ZFPM1: variants seen among roughly 807,000 people sequenced by gnomAD.
ZFPM1 encodes the protein zinc finger protein ZFPM1.
ZFPM1 carries 28 observed loss-of-function variants against 46.3 expected under a neutral mutation model. The observed-to-expected ratio is 0.60, with a 90% CI of 0.45 to 0.83. ZFPM1 has a LOEUF of 0.83. Among genes scored for constraint, ZFPM1 ranks in the 40% least tolerant of loss-of-function variants. ZFPM1 has a pLI of 0.00. For missense variants in ZFPM1, 1,878 were observed against 1,432.4 expected, an observed-to-expected ratio of 1.31 and a Z score of -5.02; for synonymous variants, 957 against 675.9, an observed-to-expected ratio of 1.42 and a Z score of -6.45.
intron 1 of ZFPM1, among the ~76,000 whole-genome samples, chr16:88,456,576 G>A (rs563941924): frequency 1.2e-3 from 176 of 152,304 alleles, no homozygotes; most frequent in Non-Finnish European, 1.8e-3. Context: ...AAGGGGAGCA[G>A]GGGGCACGTC....
At chr16:88,518,506 G>C (rs1911512854) in intron 4 of ZFPM1, among the ~76,000 whole-genome samples, 1 of 151,862 alleles carries the variant, frequency 6.6e-6, no homozygotes, top group Admixed American at 6.6e-5. Flanking sequence ...TAGGTAGATG[G>C]ATTGACAGCT....
chr16:88,461,278 G>A (rs1567526004), intron 1 of ZFPM1, among the ~76,000 whole-genome samples: 3 of 150,472 alleles, frequency 2.0e-5, no homozygotes, highest in South Asian at 2.1e-4. Context: ...CGGGTGCGAG[G>A]CCTGGTGAGG....
intron 9 of ZFPM1, 34 bp downstream of exon 9, chr16:88,532,969 T>G (rs559750127): frequency 1.2e-6 from 2 of 1,611,308 alleles, no homozygotes; most frequent in South Asian, 2.2e-5. Context: ...CCCTGCCCCT[T>G]AGGCCCCCTG....
chr16:88,528,354 G>C lies in ZFPM1; in HGVS notation c.712+116G>C. ...TCGGGGGCTGCAGGCTGCCGACAGA[G>C]TGAGAGGTAAGGCAGGGAAGGAGGT... On this transcript the variant is annotated intron_variant, in intron 6 of 9. Transcript: ENST00000319555. The C allele has an allele frequency of 2.5e-6, 3 of 1,201,490 alleles. No individual in the cohort carries two copies. The South Asian group carries it at 4.6e-5, about 18-fold the overall frequency. The allele number at this position is 1,201,490 out of a possible 1,614,324, so 74.4% of individuals were successfully genotyped here. A position where few individuals can be genotyped will look rare whatever the true frequency, so the allele number is the denominator to read the frequency against.
intron 3 of ZFPM1, among the ~76,000 whole-genome samples, chr16:88,492,959 G>A (rs1331672394): frequency 6.6e-6 from 1 of 152,038 alleles, no homozygotes; most frequent in Non-Finnish European, 1.5e-5. Flanking sequence ...GTCCCAGGGT[G>A]TGGGGAGCTG....
chr16:88,490,452 C>G (rs991792534), intron 3 of ZFPM1, among the ~76,000 whole-genome samples: 1 of 152,230 alleles, frequency 6.6e-6, no homozygotes, highest in African/African-American at 2.4e-5. Flanking sequence ...AGCAGGGCCC[C>G]GTCTGTGGAG....
At chr16:88,478,801 C>T (rs190300784) in intron 1 of ZFPM1, among the ~76,000 whole-genome samples, 2 of 152,256 alleles carry the variant, frequency 1.3e-5, no homozygotes, top group Non-Finnish European at 2.9e-5. Context: ...AAGGCAAGGG[C>T]GGCAGGGGAA....
chr16:88,502,471 C>G (rs567925934), intron 3 of ZFPM1, among the ~76,000 whole-genome samples: 2 of 152,160 alleles, frequency 1.3e-5, no homozygotes, highest in South Asian at 2.1e-4. Context: ...GTGGGCCGCC[C>G]GGGGCCATGG....
intron 3 of ZFPM1, among the ~76,000 whole-genome samples, chr16:88,508,941 C>A (rs1339243426): frequency 6.6e-6 from 1 of 152,220 alleles, no homozygotes; most frequent in Admixed American, 6.5e-5. Context: ...GATCAGCAAG[C>A]GAATCCGCAC....
At chr16:88,454,749 C>G (rs1045975348) in intron 1 of ZFPM1, among the ~76,000 whole-genome samples, 2 of 152,240 alleles carry the variant, frequency 1.3e-5, no homozygotes, top group Admixed American at 1.3e-4. Flanking sequence ...GGCCCAGACG[C>G]AGGTCTTCCT....
intron 3 of ZFPM1, among the ~76,000 whole-genome samples, chr16:88,508,447 C>G (rs1297880638): frequency 6.6e-6 from 1 of 152,244 alleles, no homozygotes; most frequent in East Asian, 1.9e-4. Context: ...TTCTACTGCC[C>G]AAGAGGCTTC....
intron 3 of ZFPM1, among the ~76,000 whole-genome samples, chr16:88,514,159 CCAGCCA>C (rs1555527003): frequency 6.6e-6 from 1 of 152,186 alleles, no homozygotes; most frequent in Non-Finnish European, 1.5e-5. Flanking sequence ...TCGCTCAAAC[CCAGCCA>C]CAGGCATCCT....
chr16:88,477,196 G>A (rs781141454), intron 1 of ZFPM1, among the ~76,000 whole-genome samples: 10 of 152,256 alleles, frequency 6.6e-5, no homozygotes, highest in East Asian at 1.9e-4. Flanking sequence ...CATGAGTGCC[G>A]GGAAGGGACA....
intron 1 of ZFPM1, among the ~76,000 whole-genome samples, chr16:88,473,585 G>T (rs967568173): frequency 2.0e-5 from 3 of 151,958 alleles, no homozygotes; most frequent in Non-Finnish European, 4.4e-5. Context: ...CTCCCTTCCA[G>T]GGAGCCAGCT....
Position 88,528,194 on chromosome 16 carries a change from A to G in ZFPM1, c.668A>G (p.Gln223Arg). The G allele has an allele frequency of 6.2e-7, 1 of 1,610,362 alleles. No individual in the cohort carries two copies. Among genetic ancestry groups the G allele is most frequent in the Non-Finnish European group, 8.5e-7 (1 of 1,179,392 alleles). ...GCACACGACCTCCAGCTCCTGCCCC[A>G]GCAGGCCGGGATGGCCTCCATCCTT... ...APAHDLQLLP[Q>R]QAGMASILAT... The change falls in exon 6 of 10, where the codon CAG becomes CGG. Residue 223 changes from glutamine (Q) to arginine (R), a missense_variant. Gln to Arg is a conservative substitution (Grantham distance 43, BLOSUM62 1). Transcript: ENST00000319555.
intron 3 of ZFPM1, among the ~76,000 whole-genome samples, chr16:88,489,918 G>C (rs984077043): frequency 1.3e-5 from 2 of 152,138 alleles, no homozygotes; most frequent in African/African-American, 4.8e-5. Context: ...AGGCCGTCAT[G>C]GGAGCTGGTG....
chr16:88,468,377 C>G (rs1349660632), intron 1 of ZFPM1, among the ~76,000 whole-genome samples: 5 of 152,184 alleles, frequency 3.3e-5, no homozygotes, highest in Non-Finnish European at 7.3e-5. Flanking sequence ...CCAAATAGCC[C>G]TCCCTGAAAC....
intron 3 of ZFPM1, 75 bp downstream of exon 3, chr16:88,489,228 G>C (rs985497035): frequency 4.0e-5 from 60 of 1,504,948 alleles, no homozygotes; most frequent in Non-Finnish European, 5.2e-5. Context: ...GCAGGGCGAC[G>C]TGGGTGCTGG....
At chr16:88,484,163 A>G (rs1305023687) in intron 1 of ZFPM1, among the ~76,000 whole-genome samples, 1 of 152,148 alleles carries the variant, frequency 6.6e-6, no homozygotes, top group African/African-American at 2.4e-5. Context: ...ATTCGGAGAG[A>G]AGCTCTTGAA....
Sources: allele counts gnomAD v4.1 joint callset (sites outside exome capture counted in the v4.1 genomes callset), GRCh38; gene constraint gnomAD v4.1.1; transcripts MANE v1.5; gene names NCBI Gene and HGNC (gene_info 2026-07-23, HGNC 2026-07-21).